SYT9: variants seen among roughly 807,000 people sequenced by gnomAD.
SYT9 encodes the protein synaptotagmin-9.
Under a neutral mutation model 48.4 loss-of-function variants are expected in SYT9, and 22 were observed. The observed-to-expected ratio is 0.45, with a 90% confidence interval of 0.32 to 0.65. The LOEUF (loss-of-function observed/expected upper bound fraction) is 0.65. Among genes scored for constraint, SYT9 ranks in the 30% least tolerant of loss-of-function variants. SYT9 has a pLI of 0.03. For synonymous variants in SYT9, 265 were observed against 245.0 expected, an observed-to-expected ratio of 1.08 and a Z score of -0.76; for missense variants, 577 against 622.0, an observed-to-expected ratio of 0.93 and a Z score of 0.77.
intron 6 of SYT9, among the ~76,000 whole-genome samples, chr11:7,464,787 G>A (rs545733181): frequency 9.6e-4 from 146 of 152,192 alleles, no homozygotes; most frequent in Non-Finnish European, 1.5e-3. Flanking sequence ...GGCTTAGAAA[G>A]TAGAGCTATT....
intron 3 of SYT9, among the ~76,000 whole-genome samples, chr11:7,372,682 T>C (rs1225971523): frequency 6.6e-6 from 1 of 152,192 alleles, no homozygotes; most frequent in East Asian, 1.9e-4. Context: ...TATTTTTATA[T>C]ACTTATTCTT....
In SYT9 at chr11:7,391,461, A is replaced by G. The variant is rs561057959; in HGVS notation, c.1045-24581A>G. 2.6e-5 allele frequency among the ~76,000 whole-genome samples: 4 copies of G among 152,256 alleles called. No homozygotes were observed. The East Asian group carries it at 7.7e-4, about 29-fold the overall frequency. On this transcript the variant is annotated intron_variant, in intron 3 of 6. Coordinates refer to ENST00000318881, the MANE Select transcript of SYT9 (RefSeq NM_175733.4). ...ATTCCCTTTTCTCTGCAGCCTTACC[A>G]ACATCTGCTATTTTTTGACTTTTTA...
chr11:7,249,467 G>A (rs1847832376), upstream of SYT9, among the ~76,000 whole-genome samples: 1 of 152,214 alleles, frequency 6.6e-6, no homozygotes, highest in African/African-American at 2.4e-5. Context: ...AGCTATGGCT[G>A]TCTTTGGAAA....
chr11:7,450,809 CAT>C (rs1249731681), intron 6 of SYT9, among the ~76,000 whole-genome samples: 1 of 152,214 alleles, frequency 6.6e-6, no homozygotes, highest in East Asian at 1.9e-4. Flanking sequence ...CATGCCGACA[CAT>C]GTCAGCAAAC....
intron 1 of SYT9, among the ~76,000 whole-genome samples, 165 bp from the exon 2 acceptor site, chr11:7,302,874 T>C (rs1848948916): frequency 6.6e-6 from 1 of 152,190 alleles, no homozygotes; most frequent in Admixed American, 6.5e-5. Context: ...GAATTCTCAT[T>C]GTCACCGTCC....
At chr11:7,418,869 C>G (rs1394361179) in intron 5 of SYT9, among the ~76,000 whole-genome samples, 3 of 152,190 alleles carry the variant, frequency 2.0e-5, no homozygotes, top group African/African-American at 7.2e-5. Context: ...AATGCAAAGT[C>G]TCTCTTTAAT....
At chr11:7,429,190 T>G (rs1166058425) in intron 6 of SYT9, among the ~76,000 whole-genome samples, 7 of 152,330 alleles carry the variant, frequency 4.6e-5, no homozygotes, top group African/African-American at 1.7e-4. Flanking sequence ...GGAGCCTGGC[T>G]CCATCCTTGT....
chr11:7,293,085 A>T (rs947497158), intron 1 of SYT9, among the ~76,000 whole-genome samples: 3 of 152,138 alleles, frequency 2.0e-5, no homozygotes, highest in Non-Finnish European at 4.4e-5. Flanking sequence ...CAGTGTGAAG[A>T]GGAACTGGTC....
chr11:7,319,574 A>C (rs1849304109), intron 3 of SYT9, among the ~76,000 whole-genome samples: 1 of 152,204 alleles, frequency 6.6e-6, no homozygotes, highest in Non-Finnish European at 1.5e-5. Flanking sequence ...TGTCAGTATT[A>C]AGTCAAATGC....
rs1848347245 is a variant in SYT9, at chr11:7,466,849, C to T, written c.*49C>T. ...GCCAAGGACAAAATAGGACAACCAT[C>T]TCACAAAGATCTTAAGTAACTTTTT... On this transcript the variant is annotated 3_prime_UTR_variant, in exon 7 of 7. Coordinates refer to ENST00000318881, the MANE Select transcript of SYT9 (RefSeq NM_175733.4). 6.2e-7 allele frequency: 1 copy of T among 1,604,278 alleles called. No homozygotes were observed. The highest frequency in any genetic ancestry group is 2.2e-5 in the East Asian group (1 of 44,838).
rs1161843662 is a variant in SYT9 at position 7,433,108 on chromosome 11, A to G, written c.1467+12473A>G. Among the ~76,000 whole-genome samples, 6 of 152,146 alleles carry G rather than the reference A, an allele frequency of 3.9e-5. No individual in the cohort carries two copies. In the East Asian group the frequency reaches 1.2e-3, roughly 29 times the overall value. On this transcript the variant is annotated intron_variant, in intron 6 of 6. Coordinates refer to ENST00000318881, the MANE Select transcript of SYT9 (RefSeq NM_175733.4). Reference sequence around the variant, plus strand: ...AGGGAGTTCTTGCAAGATCTGGTTTAAAGTGTGTGGCACCTCCACCCCCCT... The same window carrying G: ...AGGGAGTTCTTGCAAGATCTGGTTTGAAGTGTGTGGCACCTCCACCCCCCT...
chr11:7,266,216 C>A (rs188354703), intron 1 of SYT9, among the ~76,000 whole-genome samples: 77 of 152,190 alleles, frequency 5.1e-4, no homozygotes, highest in African/African-American at 1.7e-3. Flanking sequence ...ATCTGTTCCA[C>A]CGTGACTGCT....
intron 3 of SYT9, among the ~76,000 whole-genome samples, chr11:7,412,641 T>C (rs1235222437): frequency 6.6e-6 from 1 of 152,154 alleles, no homozygotes; most frequent in African/African-American, 2.4e-5. Context: ...GTGGGCCAAT[T>C]ACTGGGCTTC....
At chr11:7,449,214 G>A (rs1365428267) in intron 6 of SYT9, among the ~76,000 whole-genome samples, 2 of 149,832 alleles carry the variant, frequency 1.3e-5, no homozygotes, top group Non-Finnish European at 3.0e-5. Context: ...CATGGTGGTG[G>A]ATGCCTATAA....
chr11:7,312,653 C>A lies in SYT9; in HGVS notation c.498-742C>A, dbSNP rs529669576. 2.0e-5 allele frequency among the ~76,000 whole-genome samples: 3 copies of A among 152,310 alleles called. No homozygotes were observed. In the East Asian group the frequency reaches 5.8e-4, roughly 29 times the overall value. ...TTTAGTTTGGAGTATCAGTATCCAG[C>A]CATCTCCAGTTGAATCCCTACATGC... is the stretch of plus-strand genomic sequence containing the variant. On this transcript the variant is annotated intron_variant, in intron 2 of 6. Transcript: ENST00000318881.
At chr11:7,402,234 C>G (rs1196508037) in intron 3 of SYT9, among the ~76,000 whole-genome samples, 1 of 151,220 alleles carries the variant, frequency 6.6e-6, no homozygotes, top group African/African-American at 2.4e-5. Flanking sequence ...GTTTAAGGGC[C>G]AAGAATATGG....
chr11:7,416,293 C>T lies in SYT9; in HGVS notation c.1165+131C>T, dbSNP rs1847247073. On this transcript the variant is annotated intron_variant, in intron 4 of 6. Transcript: ENST00000318881. Reference sequence around the variant, plus strand: ...CCTAGGCTTAGCCCTAGTCCTAACACCTGTGTGACCTTGGGCAAGTCATTT... The same window carrying T: ...CCTAGGCTTAGCCCTAGTCCTAACATCTGTGTGACCTTGGGCAAGTCATTT... The T allele has an allele frequency of 6.7e-6, 7 of 1,044,554 alleles. No homozygotes were observed. In the South Asian group the frequency reaches 1.1e-4, roughly 17 times the overall value. The allele number at this position is 1,044,554 out of a possible 1,614,324, so 64.7% of individuals were successfully genotyped here.
intron 3 of SYT9, among the ~76,000 whole-genome samples, chr11:7,377,672 G>A (rs1850479228): frequency 6.6e-6 from 1 of 152,252 alleles, no homozygotes. Context: ...ATGGAAAAGG[G>A]AAGAATCTGG....
chr11:7,389,010 A>G (rs943528915), intron 3 of SYT9, among the ~76,000 whole-genome samples: 7 of 152,198 alleles, frequency 4.6e-5, no homozygotes, highest in African/African-American at 1.4e-4. Flanking sequence ...AAGTGAGGAC[A>G]TTGTGTGGTT....
Sources: gnomAD v4.1 joint callset for allele counts (sites outside exome capture counted in the v4.1 genomes callset) on GRCh38, gnomAD v4.1.1 for gene constraint, MANE v1.5 for transcripts, NCBI Gene and HGNC (gene_info 2026-07-23, HGNC 2026-07-21) for gene names.